OR9Q1: variants seen among roughly 807,000 people sequenced by gnomAD.
The protein encoded by OR9Q1 is olfactory receptor family 9 subfamily Q member 1, also known as olfactory receptor 9Q1.
For synonymous variants in OR9Q1, 153 were observed against 148.6 expected, an observed-to-expected ratio of 1.03 and a Z score of -0.22; for missense variants, 374 against 378.8, an observed-to-expected ratio of 0.99 and a Z score of 0.11.
chr11:58,163,308 A>G (rs1220137390), intron 2 of OR9Q1, among the ~76,000 whole-genome samples: 1 of 152,222 alleles, frequency 6.6e-6, no homozygotes, highest in East Asian at 1.9e-4. Context: ...CTGTGTGTGT[A>G]TAAATTTCAG....
At position 58,149,931 on chromosome 11, in the gene OR9Q1, C is replaced by T. The variant is rs563545872; in HGVS notation, c.-14-29500C>T. ...TGCTGTTGCTATAAATGTGGGTGAA[C>T]AAAGATGTGTTCAAGTCCCTGTTTT... On this transcript the variant is annotated intron_variant, in intron 2 of 2. Coordinates refer to ENST00000335397, the MANE Select transcript of OR9Q1 (RefSeq NM_001005212.4). 1.4e-4 allele frequency among the ~76,000 whole-genome samples: 21 copies of T among 152,210 alleles called. No homozygotes were observed. The South Asian group carries it at 4.1e-3, about 30-fold the overall frequency.
intron 2 of OR9Q1, among the ~76,000 whole-genome samples, chr11:58,103,253 T>G (rs1389238631): frequency 6.6e-6 from 1 of 152,230 alleles, no homozygotes; most frequent in Admixed American, 6.5e-5. Context: ...CTTATAAAAC[T>G]ATCTGATCTC....
intron 1 of OR9Q1, among the ~76,000 whole-genome samples, chr11:58,036,480 C>T (rs1346625418): frequency 6.6e-6 from 1 of 152,178 alleles, no homozygotes; most frequent in East Asian, 1.9e-4. Flanking sequence ...TTAGGACATA[C>T]ATTTGGTAAG....
intron 1 of OR9Q1, among the ~76,000 whole-genome samples, chr11:58,036,030 C>T (rs1463520904): frequency 2.0e-5 from 3 of 150,796 alleles, no homozygotes; most frequent in Non-Finnish European, 4.4e-5. Flanking sequence ...CATGTGCTCA[C>T]TTTGCTTCTT....
chr11:58,166,592 G>A (rs1854507500), intron 2 of OR9Q1, among the ~76,000 whole-genome samples: 1 of 152,134 alleles, frequency 6.6e-6, no homozygotes, highest in African/African-American at 2.4e-5. Context: ...AATGTGACTG[G>A]TTATGTACTC....
chr11:58,178,635 T>C (rs1277109148), intron 2 of OR9Q1, among the ~76,000 whole-genome samples: 1 of 152,058 alleles, frequency 6.6e-6, no homozygotes, highest in African/African-American at 2.4e-5. Flanking sequence ...CAAGAGACCA[T>C]GTGTCAACAC....
At chr11:58,058,970 G>C (rs925571463) in intron 2 of OR9Q1, among the ~76,000 whole-genome samples, 1 of 152,180 alleles carries the variant, frequency 6.6e-6, no homozygotes, top group African/African-American at 2.4e-5. Context: ...GAAAGGAACA[G>C]AGCTGTACAT....
intron 1 of OR9Q1, among the ~76,000 whole-genome samples, chr11:58,047,854 A>C (rs150933736): frequency 6.6e-6 from 1 of 152,336 alleles, no homozygotes; most frequent in East Asian, 1.9e-4. Context: ...ACTGCACCCC[A>C]GCCTGGTGAC....
chr11:58,103,411 A>T (rs1853809448), intron 2 of OR9Q1, among the ~76,000 whole-genome samples: 1 of 152,176 alleles, frequency 6.6e-6, no homozygotes. Context: ...TAGGCAAATC[A>T]TATCAGTATC....
Position 58,111,868 on chromosome 11 carries a change from A to T in OR9Q1, c.-15+55921A>T, listed in dbSNP as rs577118611. ...GAGGTAGCATTTTACATGATTATTT[A>T]GCCACGAGTCCTTTTTGGGGGGGGT... is the stretch of plus-strand genomic sequence containing the variant. On this transcript the variant is annotated intron_variant, in intron 2 of 2. Transcript: ENST00000335397. Among the ~76,000 whole-genome samples, 5 of 152,098 alleles carry T rather than the reference A, an allele frequency of 3.3e-5. No individual in the cohort carries two copies. The South Asian group carries it at 1.0e-3, about 32-fold the overall frequency.
chr11:58,078,355 T>C (rs1462659262), intron 2 of OR9Q1: 3 of 152,236 alleles, frequency 2.0e-5, no homozygotes, highest in Non-Finnish European at 4.4e-5. Context: ...GAAATGGTTG[T>C]CTTGCCTGTG....
chr11:58,072,938 TAGAG>T (rs1853502056), intron 2 of OR9Q1: 1 of 166,418 alleles, frequency 6.0e-6, no homozygotes, highest in South Asian at 1.7e-4. Flanking sequence ...CAAAATGTAT[TAGAG>T]AAAGTATTAC....
Position 58,119,456 on chromosome 11 carries a change from G to A in OR9Q1, c.-14-59975G>A, listed in dbSNP as rs750379845. On this transcript the variant is annotated intron_variant, in intron 2 of 2. Transcript: ENST00000335397. The stretch of plus-strand genomic sequence containing the variant: ...TTATTCTTGGCCATGGAGACAATGT[G>A]GACTGTTGGTCTGAGGATGATAATG... The A allele has an allele frequency of 1.8e-5, 27 of 1,501,132 alleles. No individual in the cohort carries two copies. The East Asian group carries it at 4.1e-4, about 23-fold the overall frequency. The allele number at this position is 1,501,132 out of a possible 1,614,324, so 93.0% of individuals were successfully genotyped here.
intron 1 of OR9Q1, among the ~76,000 whole-genome samples, chr11:58,027,859 C>T (rs1852990932): frequency 6.6e-6 from 1 of 152,232 alleles, no homozygotes; most frequent in South Asian, 2.1e-4. Flanking sequence ...GGGCCTGATA[C>T]AAAGGCCACA....
chr11:58,175,349 C>CAT (rs761305052), intron 2 of OR9Q1, among the ~76,000 whole-genome samples: 1 of 151,954 alleles, frequency 6.6e-6, no homozygotes, highest in Non-Finnish European at 1.5e-5. Context: ...CTCTCCTGCC[C>CAT]ATATATGTGC....
rs1426608702 is a variant in OR9Q1 at position 58,118,787 on chromosome 11, G to A, written c.-14-60644G>A. 3 of 1,613,972 alleles carry A rather than the reference G, an allele frequency of 1.9e-6. No individual in the cohort carries two copies. The highest frequency in any genetic ancestry group is 2.7e-5 in the African/African-American group (2 of 74,946). ...ACTTTCAAAATGGTCTTGATGATGA[G>A]CAGATAGGAAATCAGGATGACGGAG... is the stretch of plus-strand genomic sequence containing the variant. On this transcript the variant is annotated intron_variant, in intron 2 of 2. Transcript: ENST00000335397.
At chr11:58,142,318 T>C (rs777541340) in intron 2 of OR9Q1, among the ~76,000 whole-genome samples, 3 of 152,180 alleles carry the variant, frequency 2.0e-5, no homozygotes, top group Non-Finnish European at 2.9e-5. Context: ...AAGTGCCTGC[T>C]ACATAGTAAG....
At chr11:58,161,382 A>G (rs993697193) in intron 2 of OR9Q1, among the ~76,000 whole-genome samples, 2 of 152,136 alleles carry the variant, frequency 1.3e-5, no homozygotes, top group Non-Finnish European at 2.9e-5. Context: ...AGAGAGAGAG[A>G]GAAGAATGAG....
intron 2 of OR9Q1, among the ~76,000 whole-genome samples, chr11:58,136,787 G>A (rs140966567): frequency 1.4e-3 from 208 of 152,252 alleles, no homozygotes; most frequent in Non-Finnish European, 2.3e-3. Context: ...TGTACTGTGA[G>A]TTAGGAGACC....
Sources: gnomAD v4.1 joint callset for allele counts (sites outside exome capture counted in the v4.1 genomes callset) on GRCh38, gnomAD v4.1.1 for gene constraint, MANE v1.5 for transcripts, NCBI Gene and HGNC (gene_info 2026-07-23, HGNC 2026-07-21) for gene names.